EPHA6: variants seen among roughly 807,000 people sequenced by gnomAD.
EPHA6 encodes the protein ephrin type-A receptor 6.
A neutral mutation model predicts 112.0 loss-of-function variants in EPHA6; 50 were observed. The observed-to-expected ratio is 0.45, with a 90% CI of 0.36 to 0.56. The LOEUF (loss-of-function observed/expected upper bound fraction) is 0.56, where lower values mean the gene tolerates loss of function less well. Ranked by LOEUF, EPHA6 falls within the 20% of genes least tolerant of loss-of-function variation. EPHA6 has a pLI of 0.00. For synonymous variants in EPHA6, 529 were observed against 490.7 expected, an observed-to-expected ratio of 1.08 and a Z score of -1.03; for missense variants, 1,280 against 1,417.4, an observed-to-expected ratio of 0.90 and a Z score of 1.56.
At chr3:97,326,172 C>T (rs1269982091) in intron 5 of EPHA6, among the ~76,000 whole-genome samples, 6 of 151,578 alleles carry the variant, frequency 4.0e-5, no homozygotes, top group Admixed American at 4.0e-4. Context: ...TTTCAGATGG[C>T]ACAAAAAATA....
chr3:97,711,280 G>A (rs2033954601), intron 14 of EPHA6, among the ~76,000 whole-genome samples: 1 of 151,860 alleles, frequency 6.6e-6, no homozygotes, highest in Non-Finnish European at 1.5e-5. Flanking sequence ...GGCCTCCCCA[G>A]CCATGTGGAA....
chr3:97,189,270 T>A (rs2077237554), intron 3 of EPHA6, among the ~76,000 whole-genome samples: 1 of 152,036 alleles, frequency 6.6e-6, no homozygotes, highest in Non-Finnish European at 1.5e-5. Flanking sequence ...ATAATCAATA[T>A]CAAGAAAGGT....
chr3:97,226,065 A>G (rs1278587712), intron 3 of EPHA6, among the ~76,000 whole-genome samples, 199 bp from the exon 4 acceptor site: 1 of 152,162 alleles, frequency 6.6e-6, no homozygotes, highest in African/African-American at 2.4e-5. Context: ...GCCTCAGCTA[A>G]AATATGATTG....
chr3:97,484,202 A>AT (rs765779973), intron 10 of EPHA6, 143 bp downstream of exon 10: 31 of 656,946 alleles, frequency 4.7e-5, no homozygotes, highest in South Asian at 1.2e-4. Context: ...TGTATATGTT[A>AT]TTTTTTTTAA....
Position 96,987,615 on chromosome 3 carries a change from G to A in EPHA6, c.736G>A (p.Ala246Thr), listed in dbSNP as rs747227925. The A allele has an allele frequency of 1.2e-6, 2 of 1,612,816 alleles. No individual in the cohort carries two copies. Among genetic ancestry groups the A allele is most frequent in the Admixed American group, 1.7e-5 (1 of 59,986 alleles). ...CCAGTATACAAAGATCGACACAATT[G>A]CTGCTGATGAGAGTTTTACCCAGAT... ...PNQYTKIDTIAADESFTQMDL... is the reference protein window; with the variant it reads ...PNQYTKIDTITADESFTQMDL... The change falls in exon 3 of 18, where the codon GCT (alanine) becomes ACT (threonine). Residue 246 changes from alanine (A) to threonine (T), a missense_variant. Ala to Thr is a moderately conservative substitution (Grantham distance 58, BLOSUM62 0). This residue lies in a region of EPHA6 where 878 missense variants were observed against 999.7 expected (regional missense o/e 0.88). Coordinates refer to ENST00000389672, the MANE Select transcript of EPHA6 (RefSeq NM_001080448.3).
chr3:97,475,410 C>A lies in EPHA6; in HGVS notation c.1953C>A (p.Gly651=), dbSNP rs183002871. The change falls in exon 8 of 18, where the codon GGC becomes GGA. Residue 651 remains glycine, a synonymous_variant. Transcript: ENST00000389672. ...QILVIATAAV[G]GFTLLVILTL... is the part of the protein sequence containing the mutation. Reference sequence around the variant, plus strand: ...TCGTGATAGCCACCGCCGCTGTTGGCGGATTCACTCTCCTCGTCATCCTCA... The same window carrying A: ...TCGTGATAGCCACCGCCGCTGTTGGAGGATTCACTCTCCTCGTCATCCTCA... The A allele has an allele frequency of 3.7e-6, 6 of 1,611,898 alleles. No homozygotes were observed. The highest frequency in any genetic ancestry group is 2.2e-5 in the East Asian group (1 of 44,862).
chr3:97,738,988 C>G (rs1204697462), intron 16 of EPHA6, among the ~76,000 whole-genome samples: 1 of 152,100 alleles, frequency 6.6e-6, no homozygotes, highest in African/African-American at 2.4e-5. Context: ...CCCACCCACT[C>G]TGTTCCTGAT....
chr3:97,404,336 CCAATCTGTTACGTGAG>C (rs1293356477), intron 5 of EPHA6, among the ~76,000 whole-genome samples: 1 of 152,022 alleles, frequency 6.6e-6, no homozygotes, highest in Non-Finnish European at 1.5e-5. Flanking sequence ...TTTTTTTGTG[CCAATCTGTTACGTGAG>C]AAATGGCGTA....
At chr3:97,608,438 T>C (rs1237636152) in intron 12 of EPHA6, among the ~76,000 whole-genome samples, 2 of 151,304 alleles carry the variant, frequency 1.3e-5, no homozygotes, top group East Asian at 3.9e-4. Flanking sequence ...ATTAGCTCTA[T>C]GGCAAGTGAC....
chr3:97,249,791 T>C (rs955482935), intron 5 of EPHA6, among the ~76,000 whole-genome samples: 1 of 152,200 alleles, frequency 6.6e-6, no homozygotes, highest in Non-Finnish European at 1.5e-5. Flanking sequence ...AGATTGAAGA[T>C]GGTGTGAGTT....
intron 5 of EPHA6, among the ~76,000 whole-genome samples, chr3:97,296,208 A>G (rs1198744389): frequency 6.6e-6 from 1 of 152,028 alleles, no homozygotes; most frequent in African/African-American, 2.4e-5. Flanking sequence ...CAGGAGGCAT[A>G]TTCTACTAGA....
At chr3:97,433,680 C>T (rs1255018929) in intron 6 of EPHA6, among the ~76,000 whole-genome samples, 1 of 152,080 alleles carries the variant, frequency 6.6e-6, no homozygotes. Flanking sequence ...TCAAATATAT[C>T]CCAATTCCAT....
intron 14 of EPHA6, among the ~76,000 whole-genome samples, chr3:97,718,322 C>T (rs1467416975): frequency 6.6e-6 from 1 of 152,132 alleles, no homozygotes; most frequent in African/African-American, 2.4e-5. Flanking sequence ...TAGAACATGA[C>T]TTTATGTCCA....
chr3:97,648,544 A>G, intron 14 of EPHA6: 1 of 1,244,292 alleles, frequency 8.0e-7, no homozygotes, highest in East Asian at 3.2e-5. Flanking sequence ...TCCAACTTTA[A>G]GAACTTTAAG....
At position 96,987,117 on chromosome 3, in the gene EPHA6, G is replaced by T. The variant is rs559314907; in HGVS notation, c.451-213G>T. Among the ~76,000 whole-genome samples the T allele has an allele frequency of 5.3e-5, 8 of 152,308 alleles. No individual in the cohort carries two copies. The South Asian group carries it at 1.2e-3, about 24-fold the overall frequency. ...AATAAAGTTGTCATGCAATTAATGT[G>T]TAGGAAGGCAAGACAGGACAGCTGA... On this transcript the variant is annotated intron_variant, in intron 2 of 17. Transcript: ENST00000389672.
chr3:96,876,806 C>G (rs2036984307), intron 2 of EPHA6, among the ~76,000 whole-genome samples: 1 of 152,100 alleles, frequency 6.6e-6, no homozygotes, highest in Non-Finnish European at 1.5e-5. Flanking sequence ...CTCTATCTCA[C>G]TTTTTCCTAT....
intron 5 of EPHA6, among the ~76,000 whole-genome samples, chr3:97,376,609 T>G (rs995034641): frequency 2.0e-5 from 3 of 152,222 alleles, no homozygotes; most frequent in South Asian, 4.1e-4. Context: ...ATAGTCTAAT[T>G]TTGATTCAGA....
intron 11 of EPHA6, among the ~76,000 whole-genome samples, chr3:97,575,846 A>G (rs1445693387): frequency 6.6e-6 from 1 of 152,204 alleles, no homozygotes; most frequent in Non-Finnish European, 1.5e-5. Context: ...AGTAAAAAAT[A>G]TAGGTAGACT....
intron 2 of EPHA6, among the ~76,000 whole-genome samples, chr3:96,968,361 T>C (rs1331846704): frequency 8.0e-5 from 12 of 150,080 alleles, no homozygotes; most frequent in Admixed American, 6.7e-4. Flanking sequence ...ATTTAAATTG[T>C]AAACTACCAT....
Sources: allele counts gnomAD v4.1 joint callset (sites outside exome capture counted in the v4.1 genomes callset), GRCh38; gene constraint gnomAD v4.1.1; regional missense constraint gnomAD v4.1.1; transcripts MANE v1.5; gene names NCBI Gene and HGNC (gene_info 2026-07-23, HGNC 2026-07-21).